Variants in SLC35G1 observed in about 807,000 individuals in gnomAD.
SLC35G1 encodes the protein solute carrier family 35 member G1.
A neutral mutation model predicts 17.1 loss-of-function variants in SLC35G1; 10 were observed. The observed-to-expected ratio is 0.59, with a 90% confidence interval of 0.36 to 0.99. The LOEUF is 0.99. Among genes scored for constraint, SLC35G1 ranks in the 50% least tolerant of loss-of-function variants. The probability of loss-of-function intolerance (pLI) is 0.01; values close to 1 mark genes in which losing one functional copy is unlikely to be tolerated. For missense variants in SLC35G1, 433 were observed against 468.4 expected, an observed-to-expected ratio of 0.92 and a Z score of 0.70; for synonymous variants, 185 against 181.1, an observed-to-expected ratio of 1.02 and a Z score of -0.18.
chr10:93,908,779 T>A (rs544040389), downstream of SLC35G1: 1 of 152,258 alleles, frequency 6.6e-6, no homozygotes, highest in South Asian at 2.1e-4. Context: ...TACAGCAAGA[T>A]GTTGCCCAAG....
chr10:93,909,138 G>C (rs1392426605), exon 3 of SLC35G1: 1 of 152,222 alleles, frequency 6.6e-6, no homozygotes, highest in African/African-American at 2.4e-5. Context: ...TCCTTCAGGT[G>C]TCTGTCCTAG....
chr10:93,896,041 G>GGTGCATTGGC (rs2060326564), intron 1 of SLC35G1, among the ~76,000 whole-genome samples: 1 of 151,110 alleles, frequency 6.6e-6, no homozygotes, highest in African/African-American at 2.4e-5. Flanking sequence ...CCAAGGCTGT[G>GGTGCATTGGC]GTGCATTGGC....
In SLC35G1 at chr10:93,901,554, C is replaced by T. The variant is rs576673242; in HGVS notation, c.*64C>T. Reference sequence around the variant, plus strand: ...CATCACCTAATTCACATACAGCATACGCACACATCTGGAAAATCTGCATTT... The same window carrying T: ...CATCACCTAATTCACATACAGCATATGCACACATCTGGAAAATCTGCATTT... On this transcript the variant is annotated 3_prime_UTR_variant, in exon 3 of 3. Coordinates refer to ENST00000427197, the MANE Select transcript of SLC35G1 (RefSeq NM_001134658.3). The T allele has an allele frequency of 4.5e-5, 67 of 1,480,312 alleles. No individual in the cohort carries two copies. The highest frequency in any genetic ancestry group is 1.9e-4 in the Middle Eastern group (1 of 5,270). The allele number at this position is 1,480,312 out of a possible 1,614,324, so 91.7% of individuals were successfully genotyped here.
rs978979239 is a variant in SLC35G1 at position 93,903,640 on chromosome 10, A to T, written c.*2150A>T. 2.0e-5 allele frequency: 3 copies of T among 152,208 alleles called. No homozygotes were observed. The highest frequency in any genetic ancestry group is 1.3e-4 in the Admixed American group (2 of 15,284). The allele number at this position is 152,208 out of a possible 1,614,324, so 9.4% of individuals were successfully genotyped here. A position where few individuals can be genotyped will look rare whatever the true frequency, so the allele number is the denominator to read the frequency against. On this transcript the variant is annotated 3_prime_UTR_variant, in exon 3 of 3. Coordinates refer to ENST00000427197, the MANE Select transcript of SLC35G1 (RefSeq NM_001134658.3). ...CACTATATAACTGAGGTTAGAGAAA[A>T]TGTTTCTTCTAGCCCTTACAGGGTG... is the stretch of plus-strand genomic sequence containing the variant.
intron 1 of SLC35G1, among the ~76,000 whole-genome samples, chr10:93,895,602 T>C (rs975417753): frequency 2.6e-5 from 4 of 152,266 alleles, no homozygotes; most frequent in African/African-American, 9.6e-5. Flanking sequence ...CAGTAAGACT[T>C]AGTTATTGTA....
rs577619685 is a variant in SLC35G1 at position 93,903,204 on chromosome 10, G to C, written c.*1714G>C. On this transcript the variant is annotated 3_prime_UTR_variant, in exon 3 of 3. Coordinates refer to ENST00000427197, the MANE Select transcript of SLC35G1 (RefSeq NM_001134658.3). ...CTGACAAACCCTAAATGAAGTCTATGTAGGTGAGTCATCTCTGTTCCACCT... is the reference window on the plus strand; with the variant it reads ...CTGACAAACCCTAAATGAAGTCTATCTAGGTGAGTCATCTCTGTTCCACCT... 9 of 152,260 alleles carry C rather than the reference G, an allele frequency of 5.9e-5. No individual in the cohort carries two copies. In the East Asian group the frequency reaches 1.7e-3, roughly 29 times the overall value. The allele number at this position is 152,260 out of a possible 1,614,324, so 9.4% of individuals were successfully genotyped here. A position where few individuals can be genotyped will look rare whatever the true frequency, so the allele number is the denominator to read the frequency against.
chr10:93,895,076 T>C (rs1380290605), intron 1 of SLC35G1, among the ~76,000 whole-genome samples: 1 of 152,156 alleles, frequency 6.6e-6, no homozygotes, highest in Non-Finnish European at 1.5e-5. Flanking sequence ...CAGGAGCAGC[T>C]TCCTGCAAGA....
At chr10:93,904,654 A>C (rs1337578150), downstream of SLC35G1, among the ~76,000 whole-genome samples, 1 of 152,186 alleles carries the variant, frequency 6.6e-6, no homozygotes, top group South Asian at 2.1e-4. Flanking sequence ...TGGGTAAAGC[A>C]CTGGATTGGG....
In SLC35G1 at chr10:93,893,981, C is replaced by T. The variant is rs958573231; in HGVS notation, c.-53C>T. 7.4e-5 allele frequency: 97 copies of T among 1,306,304 alleles called. 1 individual carries two copies. In the East Asian group the frequency reaches 2.8e-3, roughly 38 times the overall value. The allele number at this position is 1,306,304 out of a possible 1,614,324, so 80.9% of individuals were successfully genotyped here. Reference sequence around the variant, plus strand: ...CCCGCCGGAAGAGCGGCAGCCCAGGCGCTGCTGCTGGCGCCAGACGGCACC... The same window carrying T: ...CCCGCCGGAAGAGCGGCAGCCCAGGTGCTGCTGCTGGCGCCAGACGGCACC... On this transcript the variant is annotated 5_prime_UTR_variant, in exon 1 of 3. Transcript: ENST00000427197.
At chr10:93,904,886 T>G (rs533317697), downstream of SLC35G1, among the ~76,000 whole-genome samples, 10 of 152,324 alleles carry the variant, frequency 6.6e-5, no homozygotes, top group African/African-American at 2.4e-4. Flanking sequence ...ACCAGAGTCC[T>G]TACTCCCGAG....
chr10:93,897,789 G>T (rs2060345329), intron 1 of SLC35G1, among the ~76,000 whole-genome samples: 1 of 152,230 alleles, frequency 6.6e-6, no homozygotes, highest in South Asian at 2.1e-4. Flanking sequence ...GGATTAGATG[G>T]CAGTTCTGTA....
downstream of SLC35G1, chr10:93,906,417 A>G (rs909367565): frequency 6.6e-6 from 1 of 152,172 alleles, no homozygotes; most frequent in South Asian, 2.1e-4. Context: ...GGATCCTCCA[A>G]CTCTCAGGTG....
chr10:93,895,993 A>T (rs2060325971), intron 1 of SLC35G1, among the ~76,000 whole-genome samples: 1 of 144,278 alleles, frequency 6.9e-6, no homozygotes. Context: ...TTGAGAATTA[A>T]TTTTTTTTTT....
At chr10:93,896,611 T>G (rs1384034317) in intron 1 of SLC35G1, among the ~76,000 whole-genome samples, 4 of 152,192 alleles carry the variant, frequency 2.6e-5, no homozygotes, top group Non-Finnish European at 5.9e-5. Context: ...CTCACCCTCG[T>G]TAACAAATCA....
At chr10:93,904,216 A>G (rs1384591130), downstream of SLC35G1, among the ~76,000 whole-genome samples, 1 of 152,124 alleles carries the variant, frequency 6.6e-6, no homozygotes, top group African/African-American at 2.4e-5. Context: ...ATCTTAGCCC[A>G]AGACTTAGCA....
intron 1 of SLC35G1, among the ~76,000 whole-genome samples, chr10:93,896,781 A>G (rs2060334573): frequency 1.3e-5 from 2 of 152,184 alleles, no homozygotes; most frequent in African/African-American, 2.4e-5. Flanking sequence ...AAAATATTTA[A>G]TGTTAAGTTA....
chr10:93,905,371 A>G (rs533454479), downstream of SLC35G1, among the ~76,000 whole-genome samples: 1 of 152,274 alleles, frequency 6.6e-6, no homozygotes, highest in South Asian at 2.1e-4. Context: ...CACTACCCTA[A>G]GCATGCTGTT....
At chr10:93,899,789 C>A (rs1275723390) in intron 2 of SLC35G1, among the ~76,000 whole-genome samples, 1 of 152,170 alleles carries the variant, frequency 6.6e-6, no homozygotes, top group Non-Finnish European at 1.5e-5. Flanking sequence ...AGCAGCAGAA[C>A]ACCGATGCTA....
At chr10:93,898,213 T>C (rs980708995) in intron 1 of SLC35G1, among the ~76,000 whole-genome samples, 2 of 152,200 alleles carry the variant, frequency 1.3e-5, no homozygotes, top group African/African-American at 2.4e-5. Flanking sequence ...GCGTAAGATA[T>C]CACTTGGAAG....
Sources: allele counts gnomAD v4.1 joint callset (sites outside exome capture counted in the v4.1 genomes callset), GRCh38; gene constraint gnomAD v4.1.1; transcripts MANE v1.5; gene names NCBI Gene and HGNC (gene_info 2026-07-23, HGNC 2026-07-21).